ZNF804B: variants seen among roughly 807,000 people sequenced by gnomAD.
ZNF804B encodes the protein zinc finger 804B.
A neutral mutation model predicts 101.4 loss-of-function variants in ZNF804B; 80 were observed. That is an observed-to-expected ratio of 0.79 (90% CI 0.66 to 0.95). The LOEUF (loss-of-function observed/expected upper bound fraction) is 0.95. ZNF804B is among the 40% of genes least tolerant of loss of function. ZNF804B has a pLI of 0.00. For missense variants in ZNF804B, 1,673 were observed against 1,561.9 expected (o/e 1.07, Z -1.20); for synonymous variants, 622 against 558.8 (o/e 1.11, Z -1.59).
chr7:89,114,568 A>G (rs1790279584), intron 1 of ZNF804B, among the ~76,000 whole-genome samples: 1 of 152,212 alleles, frequency 6.6e-6, no homozygotes, highest in Non-Finnish European at 1.5e-5. Flanking sequence ...CACTAGTTTC[A>G]ATCTTTCTTA....
At chr7:89,220,217 A>C (rs1423710920) in intron 2 of ZNF804B, among the ~76,000 whole-genome samples, 3 of 150,058 alleles carry the variant, frequency 2.0e-5, no homozygotes, top group Non-Finnish European at 4.5e-5. Flanking sequence ...AGCCTGACGA[A>C]GACACAGCTT....
intron 1 of ZNF804B, among the ~76,000 whole-genome samples, chr7:89,197,050 G>A (rs1324871041): frequency 1.3e-5 from 2 of 151,978 alleles, no homozygotes; most frequent in East Asian, 3.9e-4. Context: ...CATTATGGGA[G>A]ACTGTGGTGA....
intron 2 of ZNF804B, 76 bp from the exon 3 acceptor site, chr7:89,327,268 T>C (rs1216806551): frequency 7.1e-7 from 1 of 1,400,864 alleles, no homozygotes; most frequent in African/African-American, 1.5e-5. Context: ...GGATAAAGAA[T>C]AATAAGGAGC....
chr7:88,873,646 A>G (rs1791876008), intron 1 of ZNF804B, among the ~76,000 whole-genome samples: 1 of 152,142 alleles, frequency 6.6e-6, no homozygotes, highest in African/African-American at 2.4e-5. Context: ...TGATTTTTAT[A>G]CAAGGTGTAA....
At chr7:88,782,417 C>T (rs73705516) in intron 1 of ZNF804B, among the ~76,000 whole-genome samples, 6,403 of 151,974 alleles carry the variant, frequency 0.042, 405 homozygotes, top group African/African-American at 0.14. Context: ...TTTTATGAAT[C>T]TTAATTGGTT....
chr7:88,898,248 A>G (rs6465173), intron 1 of ZNF804B, among the ~76,000 whole-genome samples: 68,255 of 151,150 alleles, frequency 0.45, 17,311 homozygotes, highest in African/African-American at 0.69. Context: ...CACCACGCCC[A>G]GCTAATTTTT....
chr7:89,220,023 ATATATATACGCACATATATGTG>A lies in ZNF804B; in HGVS notation c.249+1729_249+1750del, dbSNP rs1562920247. On this transcript the variant is annotated intron_variant, in intron 2 of 3. Coordinates refer to ENST00000333190, the MANE Select transcript of ZNF804B (RefSeq NM_181646.5). The stretch of plus-strand genomic sequence containing the variant: ...TATATGCACATATATGTGTGTATAC[ATATATATACGCACATATATGTG>A]CATATATACATATATACGCACATAT... Among the ~76,000 whole-genome samples the A allele has an allele frequency of 3.7e-3, 458 of 123,894 alleles. 150 individuals carry two copies. The highest frequency in any genetic ancestry group is 0.013 in the African/African-American group (427 of 32,970). The allele number at this position is 123,894 out of a possible 152,430, so 81.3% of individuals were successfully genotyped here. A position where few individuals can be genotyped will look rare whatever the true frequency, so the allele number is the denominator to read the frequency against.
chr7:88,973,883 A>T (rs2116117318), intron 1 of ZNF804B, among the ~76,000 whole-genome samples: 1 of 151,530 alleles, frequency 6.6e-6, no homozygotes, highest in East Asian at 2.0e-4. Context: ...CCATTGACAC[A>T]ACTTTTTTTA....
At chr7:89,222,103 A>C (rs112420566) in intron 2 of ZNF804B, among the ~76,000 whole-genome samples, 9,012 of 152,030 alleles carry the variant, frequency 0.059, 402 homozygotes, top group Admixed American at 0.11. Context: ...CTGTGTACTC[A>C]AGAATAATAG....
chr7:88,927,973 C>A (rs1439348659), intron 1 of ZNF804B, among the ~76,000 whole-genome samples: 2 of 152,176 alleles, frequency 1.3e-5, no homozygotes, highest in African/African-American at 4.8e-5. Flanking sequence ...ATGAGTCTAT[C>A]CCCAATATCT....
At chr7:89,202,596 G>T (rs555544433) in intron 1 of ZNF804B, among the ~76,000 whole-genome samples, 1 of 152,212 alleles carries the variant, frequency 6.6e-6, no homozygotes, top group South Asian at 2.1e-4. Context: ...ACATTTTAAA[G>T]ATTCCAGAGA....
chr7:89,111,049 T>C (rs1480350601), intron 1 of ZNF804B, among the ~76,000 whole-genome samples: 1 of 152,194 alleles, frequency 6.6e-6, no homozygotes, highest in African/African-American at 2.4e-5. Context: ...CCATGTCTTT[T>C]TATGGCTCGG....
At chr7:88,798,997 C>T (rs549666113) in intron 1 of ZNF804B, among the ~76,000 whole-genome samples, 5 of 152,192 alleles carry the variant, frequency 3.3e-5, no homozygotes, top group Non-Finnish European at 7.4e-5. Flanking sequence ...AGTCACAGAA[C>T]CTTAATAGAA....
At chr7:88,948,943 A>G (rs1379456934) in intron 1 of ZNF804B, among the ~76,000 whole-genome samples, 1 of 151,866 alleles carries the variant, frequency 6.6e-6, no homozygotes, top group Non-Finnish European at 1.5e-5. Flanking sequence ...TAGATTTTAC[A>G]TTTTGATCTC....
Position 89,334,232 on chromosome 7 carries a change from C to G in ZNF804B, c.1250C>G (p.Thr417Arg), listed in dbSNP as rs1791035725. The G allele has an allele frequency of 1.2e-6, 2 of 1,613,370 alleles. No homozygotes were observed. Among genetic ancestry groups the G allele is most frequent in the African/African-American group, 2.7e-5 (2 of 74,880 alleles). ...AACAGAGAAAAATCTTTAGATAAAA[C>G]AGAAAGAGTTAGCAAAAATGTTCAA... ...IENREKSLDK[T>R]ERVSKNVQRL... The change falls in exon 4 of 4, where the codon ACA becomes AGA. Residue 417 changes from threonine (T) to arginine (R), a missense_variant. Thr to Arg is a moderately conservative substitution (Grantham distance 71). Coordinates refer to ENST00000333190, the MANE Select transcript of ZNF804B (RefSeq NM_181646.5).
rs370025944 is a variant in ZNF804B, at chr7:88,826,512, T to A, written c.108+66428T>A. On this transcript the variant is annotated intron_variant, in intron 1 of 3. Coordinates refer to ENST00000333190, the MANE Select transcript of ZNF804B (RefSeq NM_181646.5). ...GGCACAATCGAAAACCTAATGATAA[T>A]GACTTCAGCAGGGGTCTAATTGGAG... Among the ~76,000 whole-genome samples, 7 of 152,280 alleles carry A rather than the reference T, an allele frequency of 4.6e-5. No individual in the cohort carries two copies. The East Asian group carries it at 1.2e-3, about 25-fold the overall frequency.
intron 1 of ZNF804B, among the ~76,000 whole-genome samples, chr7:88,854,335 T>G (rs1791496235): frequency 6.6e-6 from 1 of 152,064 alleles, no homozygotes; most frequent in Non-Finnish European, 1.5e-5. Flanking sequence ...AACCACCAAG[T>G]TTTATTCCAG....
intron 1 of ZNF804B, among the ~76,000 whole-genome samples, chr7:89,151,673 A>C (rs1202503583): frequency 6.6e-6 from 1 of 151,410 alleles, no homozygotes; most frequent in Non-Finnish European, 1.5e-5. Context: ...GAGAATAAGC[A>C]TCTAAGTAAA....
chr7:88,798,577 T>C, intron 1 of ZNF804B, among the ~76,000 whole-genome samples: 1 of 152,138 alleles, frequency 6.6e-6, no homozygotes, highest in East Asian at 1.9e-4. Context: ...ATTATTTTTT[T>C]GCTATTGGGT....
Sources: gnomAD v4.1 joint callset for allele counts (sites outside exome capture counted in the v4.1 genomes callset) on GRCh38, gnomAD v4.1.1 for gene constraint, MANE v1.5 for transcripts, NCBI Gene and HGNC (gene_info 2026-07-23, HGNC 2026-07-21) for gene names.